The following SEC24C variants were observed in gnomAD, a reference collection of about 807,000 sequenced individuals.
The protein encoded by SEC24C is SEC24 homolog C, COPII component.
A neutral mutation model predicts 117.0 loss-of-function variants in SEC24C; 22 were observed. The ratio of observed to expected loss-of-function variants is 0.19; its 90% CI spans 0.13 to 0.27. SEC24C has a LOEUF of 0.27. Ranked by LOEUF, SEC24C falls within the 10% of genes least tolerant of loss-of-function variation. The probability of loss-of-function intolerance (pLI) is 1.00; values close to 1 mark genes in which losing one functional copy is unlikely to be tolerated. For missense variants in SEC24C, 1,155 were observed against 1,375.1 expected (o/e 0.84, Z 2.53); for synonymous variants, 506 against 529.4 (o/e 0.96, Z 0.61).
In SEC24C at chr10:73,768,991, G is replaced by A; in HGVS notation, c.2279-16G>A. On this transcript the variant is annotated splice_polypyrimidine_tract_variant and intron_variant, in intron 16 of 22. Coordinates refer to ENST00000345254, the MANE Select transcript of SEC24C (RefSeq NM_198597.3). ...TTGTCATACTTTTTGCCCTGACCCT[G>A]TCCATGTGGCCTCAGGTATCCGTGC... The A allele has an allele frequency of 6.2e-7, 1 of 1,614,236 alleles. No individual in the cohort carries two copies. The highest frequency in any genetic ancestry group is 8.5e-7 in the Non-Finnish European group (1 of 1,180,044).
chr10:73,764,842 C>G (rs771406562), intron 8 of SEC24C, among the ~76,000 whole-genome samples: 4 of 152,210 alleles, frequency 2.6e-5, no homozygotes, highest in Non-Finnish European at 5.9e-5. Context: ...CCTTGCTTAT[C>G]TTACGATAGG....
In SEC24C at chr10:73,766,517, A is replaced by G. The variant is rs767088530; in HGVS notation, c.1775A>G (p.Asn592Ser). 44 of 1,611,550 alleles carry G rather than the reference A, an allele frequency of 2.7e-5. No homozygotes were observed. In the East Asian group the frequency reaches 4.0e-4, roughly 15 times the overall value. The change falls in exon 12 of 23, where the codon AAT (asparagine) becomes AGT (serine). Residue 592 changes from asparagine (N) to serine (S), a missense_variant. Coordinates refer to ENST00000345254, the MANE Select transcript of SEC24C (RefSeq NM_198597.3). ...PLLDGFLVNV[N>S]ESRAVITSLL... The stretch of plus-strand genomic sequence containing the variant: ...CTGGATGGCTTCCTGGTCAACGTCA[A>G]TGAGTCTCGGGCAGTTATCACCAGG...
At chr10:73,758,402 A>G (rs1343115494) in intron 3 of SEC24C, among the ~76,000 whole-genome samples, 2 of 152,220 alleles carry the variant, frequency 1.3e-5, no homozygotes, top group Non-Finnish European at 2.9e-5. Context: ...TCGTCTGTTT[A>G]AAGTGTTTTT....
chr10:73,760,642 C>A, intron 5 of SEC24C, 71 bp from the exon 6 acceptor site: 1 of 1,446,082 alleles, frequency 6.9e-7, no homozygotes. Flanking sequence ...GGAGTCTAGT[C>A]ATTTTCCTGA....
intron 14 of SEC24C, among the ~76,000 whole-genome samples, chr10:73,767,610 G>C (rs1321642706): frequency 6.6e-6 from 1 of 152,168 alleles, no homozygotes; most frequent in South Asian, 2.1e-4. Flanking sequence ...AGAGGTTGCA[G>C]TGAGCTGAGA....
intron 3 of SEC24C, among the ~76,000 whole-genome samples, chr10:73,758,394 G>A (rs896106365): frequency 1.3e-5 from 2 of 152,140 alleles, no homozygotes; most frequent in South Asian, 2.1e-4. Context: ...TGTGCAATTC[G>A]TCTGTTTAAA....
rs535841152 is a variant in SEC24C at position 73,771,264 on chromosome 10, C to G, written c.*169C>G. ...TTCTGGGCTCAAGTATCCTGCCACT[C>G]TGTCATGTCCTGCTGATGGAAGGTG... On this transcript the variant is annotated 3_prime_UTR_variant, in exon 23 of 23. Coordinates refer to ENST00000345254, the MANE Select transcript of SEC24C (RefSeq NM_198597.3). 20 of 695,212 alleles carry G rather than the reference C, an allele frequency of 2.9e-5. No individual in the cohort carries two copies. Among genetic ancestry groups the G allele is most frequent in the Admixed American group, 1.8e-4 (6 of 32,908 alleles). 43.1% of individuals were successfully genotyped at this position (695,212 alleles called of 1,614,324 possible).
chr10:73,746,158 C>CA (rs71021568), intron 1 of SEC24C, among the ~76,000 whole-genome samples: 1,272 of 91,916 alleles, frequency 0.014, 11 homozygotes, highest in East Asian at 0.035. Context: ...GACTCCGTCT[C>CA]AAAAAAAAAA....
intron 9 of SEC24C, 55 bp from the exon 10 acceptor site, chr10:73,765,745 G>T (rs755284674): frequency 1.9e-6 from 3 of 1,577,908 alleles, no homozygotes; most frequent in Non-Finnish European, 2.6e-6. Context: ...GCTAGGGCCA[G>T]AATACTAAGA....
chr10:73,770,357 A>G lies in SEC24C; in HGVS notation c.2940A>G (p.Ile980Met), dbSNP rs1227439305. Residue 980 changes from isoleucine to methionine, a missense_variant, in exon 21 of 23, where the codon ATA (isoleucine) becomes ATG (methionine). This residue lies in a region of SEC24C where 759 missense variants were observed against 992.3 expected (regional missense o/e 0.76). Transcript: ENST00000345254. ...AAGAGCGTCTAAGCAATGGGGATAT[A>G]TATTTACTGGAGAATGGGCTCAACC... Reference protein sequence around the residue: ...ASEERLSNGDIYLLENGLNLF... With the variant: ...ASEERLSNGDMYLLENGLNLF... 1 of 1,613,650 alleles carries G rather than the reference A, an allele frequency of 6.2e-7. No individual in the cohort carries two copies. Among genetic ancestry groups the G allele is most frequent in the East Asian group, 2.2e-5 (1 of 44,878 alleles).
At chr10:73,755,914 C>G (rs771260511) in intron 3 of SEC24C, among the ~76,000 whole-genome samples, 3 of 150,774 alleles carry the variant, frequency 2.0e-5, no homozygotes, top group African/African-American at 7.3e-5. Context: ...TGCAGTGGCA[C>G]GATCTCTGCT....
Position 73,768,888 on chromosome 10 carries a change from C to G in SEC24C, c.2260C>G (p.Arg754Gly). The G allele has an allele frequency of 6.2e-7, 1 of 1,614,090 alleles. No individual in the cohort carries two copies. The highest frequency in any genetic ancestry group is 8.5e-7 in the Non-Finnish European group (1 of 1,180,020). ...GGTTGTTGGCTTTGATGCTGTGATG[C>G]GGGTCCGGACAAGCACTGGTCAGTC... is the stretch of plus-strand genomic sequence containing the variant. ...QKVVGFDAVMRVRTSTGIRAV... is the reference protein window; with the variant it reads ...QKVVGFDAVMGVRTSTGIRAV... The change falls in exon 16 of 23, where the codon CGG becomes GGG. Residue 754 changes from arginine (R) to glycine (G), a missense_variant. Physicochemically the swap from Arg to Gly is moderately radical, Grantham distance 125. Coordinates refer to ENST00000345254, the MANE Select transcript of SEC24C (RefSeq NM_198597.3).
Position 73,770,891 on chromosome 10 carries a change from G to T in SEC24C, c.3145-64G>T, listed in dbSNP as rs991039804. 39 of 1,613,352 alleles carry T rather than the reference G, an allele frequency of 2.4e-5. No homozygotes were observed. In the Admixed American group the frequency reaches 6.5e-4, roughly 27 times the overall value. On this transcript the variant is annotated intron_variant, in intron 22 of 22. Coordinates refer to ENST00000345254, the MANE Select transcript of SEC24C (RefSeq NM_198597.3). ...GGGAATGAGTAAGTGACTGCCTAAT[G>T]AGATTTCTGGGCATGTTTAATTTCC...
Position 73,762,193 on chromosome 10 carries a change from C to T in SEC24C, c.988-1297C>T, listed in dbSNP as rs948378253. The T allele has an allele frequency of 7.8e-6, 10 of 1,282,586 alleles. No individual in the cohort carries two copies. In the Middle Eastern group the frequency reaches 1.3e-3, roughly 164 times the overall value. The allele number at this position is 1,282,586 out of a possible 1,614,324, so 79.5% of individuals were successfully genotyped here. ...TAAGTGCAGGGGGTGGGTGTTTGTG[C>T]ATGTCATTCCTGTGTTAGTGCCATC... On this transcript the variant is annotated intron_variant, in intron 6 of 22. Transcript: ENST00000345254.
In SEC24C at chr10:73,770,939, T is replaced by G. The variant is rs1017046796; in HGVS notation, c.3145-16T>G. 4 of 1,614,040 alleles carry G rather than the reference T, an allele frequency of 2.5e-6. No homozygotes were observed. In the African/African-American group the frequency reaches 5.3e-5, roughly 22 times the overall value. ...TCCTTTGGCCTTGCCTTATGAACCC[T>G]GAATTCTGGCCGTAGCTTACCGTGG... is the stretch of plus-strand genomic sequence containing the variant. On this transcript the variant is annotated splice_polypyrimidine_tract_variant and intron_variant, in intron 22 of 22. Coordinates refer to ENST00000345254, the MANE Select transcript of SEC24C (RefSeq NM_198597.3).
At chr10:73,750,392 A>G (rs1441015157) in intron 2 of SEC24C, among the ~76,000 whole-genome samples, 5 of 152,194 alleles carry the variant, frequency 3.3e-5, no homozygotes, top group Admixed American at 2.0e-4. Context: ...ATATGTGAAG[A>G]ATGGCTAAGG....
Position 73,768,790 on chromosome 10 carries a change from CTG to C in SEC24C, c.2182-19_2182-18del, listed in dbSNP as rs553465745. 135 of 1,612,152 alleles carry C rather than the reference CTG, an allele frequency of 8.4e-5. No individual in the cohort carries two copies. The African/African-American group carries it at 1.5e-3, about 18-fold the overall frequency. ...GCTATGTCTAGTCAGTGACATGACT[CTG>C]GACCTGGGGGCCTGCAGGTGGAGAA... On this transcript the variant is annotated intron_variant, in intron 15 of 22. Coordinates refer to ENST00000345254, the MANE Select transcript of SEC24C (RefSeq NM_198597.3).
At position 73,769,643 on chromosome 10, in the gene SEC24C, G is replaced by A. The variant is rs755978821; in HGVS notation, c.2592G>A (p.Val864=). 2 of 1,614,118 alleles carry A rather than the reference G, an allele frequency of 1.2e-6. No individual in the cohort carries two copies. The highest frequency in any genetic ancestry group is 1.7e-6 in the Non-Finnish European group (2 of 1,180,014). ...FAYRGVLNSP[V]KAVRDTLITQ... Reference sequence around the variant, plus strand: ...ATCGGGGAGTCCTGAATAGCCCTGTGAAGGCTGTTCGTGACACGCTCATCA... The same window carrying A: ...ATCGGGGAGTCCTGAATAGCCCTGTAAAGGCTGTTCGTGACACGCTCATCA... The change falls in exon 19 of 23, where the codon GTG becomes GTA. Residue 864 remains valine, a synonymous_variant. Transcript: ENST00000345254. The surrounding 1 kb of genome is among the most constrained non-coding windows in gnomAD (Gnocchi z 4.5).
Position 73,760,053 on chromosome 10 carries a change from T to A in SEC24C, c.517T>A (p.Phe173Ile). The A allele has an allele frequency of 6.3e-7, 1 of 1,593,748 alleles. No individual in the cohort carries two copies. Among genetic ancestry groups the A allele is most frequent in the Non-Finnish European group, 8.6e-7 (1 of 1,167,412 alleles). ...ATCGCTGGCTTCAGCCTCAGGAAGT[T>A]TCCCTAACTCTGGTCTGTATGGCTC... is the stretch of plus-strand genomic sequence containing the variant. ...PTSLASASGS[F>I]PNSGLYGSYP... is the part of the protein sequence containing the mutation. Residue 173 changes from phenylalanine (F) to isoleucine (I), a missense_variant, in exon 5 of 23, where the codon TTC (phenylalanine) becomes ATC (isoleucine). Coordinates refer to ENST00000345254, the MANE Select transcript of SEC24C (RefSeq NM_198597.3).
Sources: gnomAD v4.1 joint callset for allele counts (sites outside exome capture counted in the v4.1 genomes callset) on GRCh38, gnomAD v4.1.1 for gene constraint, gnomAD v4.1.1 regional missense constraint, Gnocchi (gnomAD v3.1) non-coding constraint, MANE v1.5 for transcripts, NCBI Gene and HGNC (gene_info 2026-07-23, HGNC 2026-07-21) for gene names.